The following VAV3 variants were observed in gnomAD, a reference collection of about 807,000 sequenced individuals.
VAV3 encodes guanine nucleotide exchange factor VAV3.
Under a neutral mutation model 131.2 loss-of-function variants are expected in VAV3, and 94 were observed. The ratio of observed to expected loss-of-function variants is 0.72; its 90% CI spans 0.61 to 0.85. The LOEUF is 0.85. Among genes scored for constraint, VAV3 ranks in the 40% least tolerant of loss-of-function variants. The pLI, the probability that VAV3 is intolerant of heterozygous loss-of-function variation, is 0.00. For missense variants in VAV3, 939 were observed against 1,002.7 expected (o/e 0.94, Z 0.86); for synonymous variants, 349 against 342.0 (o/e 1.02, Z -0.22).
intron 1 of VAV3, among the ~76,000 whole-genome samples, chr1:107,890,057 C>T (rs1452774608): frequency 6.6e-6 from 1 of 152,028 alleles, no homozygotes; most frequent in Non-Finnish European, 1.5e-5. Flanking sequence ...TTTAGCTCTG[C>T]TCACTATTTC....
At chr1:107,825,875 T>C (rs1362614967) in intron 2 of VAV3, among the ~76,000 whole-genome samples, 1 of 152,164 alleles carries the variant, frequency 6.6e-6, no homozygotes, top group African/African-American at 2.4e-5. Context: ...ACTTACCAAA[T>C]ACTGCCTTAC....
At chr1:107,901,603 C>T (rs1671858406) in intron 1 of VAV3, among the ~76,000 whole-genome samples, 1 of 152,102 alleles carries the variant, frequency 6.6e-6, no homozygotes, top group Admixed American at 6.6e-5. Flanking sequence ...GCACACACAT[C>T]CCATTAGTAA....
intron 15 of VAV3, among the ~76,000 whole-genome samples, chr1:107,707,898 C>G (rs1351269902): frequency 6.6e-6 from 1 of 152,070 alleles, no homozygotes; most frequent in Admixed American, 6.5e-5. Context: ...TTTGGAGAAA[C>G]AAAAAATTAA....
intron 19 of VAV3, among the ~76,000 whole-genome samples, chr1:107,681,808 C>T (rs1012972590): frequency 4.6e-5 from 7 of 152,032 alleles, no homozygotes; most frequent in South Asian, 4.1e-4. Flanking sequence ...CACCCGCCAC[C>T]ACCCCCAGCT....
intron 2 of VAV3, among the ~76,000 whole-genome samples, chr1:107,822,870 A>T (rs1667862149): frequency 6.6e-6 from 1 of 152,138 alleles, no homozygotes; most frequent in Non-Finnish European, 1.5e-5. Flanking sequence ...TAATATGGAC[A>T]TGTGAAGAGT....
At position 107,907,675 on chromosome 1, in the gene VAV3, A is replaced by T. The variant is rs190456196; in HGVS notation, c.205-32658T>A. On this transcript the variant is annotated intron_variant, in intron 1 of 26. Transcript: ENST00000370056. ...TGTGCGTGCGTTCTCTCTCTCTCTCACACACACACGCGCTCTCTCTCTCTC... is the reference window on the plus strand; with the variant it reads ...TGTGCGTGCGTTCTCTCTCTCTCTCTCACACACACGCGCTCTCTCTCTCTC... Among the ~76,000 whole-genome samples, 158 of 151,016 alleles carry T rather than the reference A, an allele frequency of 1.0e-3. 1 individual carries two copies. The highest frequency in any genetic ancestry group is 6.7e-3 in the East Asian group (34 of 5,102).
At chr1:107,841,372 C>T (rs1202011873) in intron 2 of VAV3, among the ~76,000 whole-genome samples, 1 of 151,930 alleles carries the variant, frequency 6.6e-6, no homozygotes, top group African/African-American at 2.4e-5. Context: ...AAAACTAAAG[C>T]AATATAAAGG....
At chr1:107,622,367 C>T (rs1445588640) in intron 20 of VAV3, among the ~76,000 whole-genome samples, 1 of 152,128 alleles carries the variant, frequency 6.6e-6, no homozygotes, top group Non-Finnish European at 1.5e-5. Flanking sequence ...GATGCTAGAG[C>T]TAAAACCTCA....
intron 2 of VAV3, among the ~76,000 whole-genome samples, chr1:107,795,927 A>G (rs138951751): frequency 1.3e-5 from 2 of 152,294 alleles, no homozygotes; most frequent in East Asian, 3.9e-4. Context: ...TGATTCCCAT[A>G]CTGATCTCAC....
At chr1:107,836,178 G>A (rs1255515855) in intron 2 of VAV3, among the ~76,000 whole-genome samples, 1 of 152,100 alleles carries the variant, frequency 6.6e-6, no homozygotes, top group Non-Finnish European at 1.5e-5. Context: ...TGACAAATTG[G>A]ACCTAATAGA....
chr1:107,596,354 G>A lies in VAV3; in HGVS notation c.2221-13C>T. 1 of 1,610,608 alleles carries A rather than the reference G, an allele frequency of 6.2e-7. No homozygotes were observed. Among genetic ancestry groups the A allele is most frequent in the Non-Finnish European group, 8.5e-7 (1 of 1,178,360 alleles). ...ACTCCACAAGTTCCTTTGGAAAAAAGAATCCAACATATTTTTGATAAGGAT... is the reference window on the plus strand; with the variant it reads ...ACTCCACAAGTTCCTTTGGAAAAAAAAATCCAACATATTTTTGATAAGGAT... On this transcript the variant is annotated splice_polypyrimidine_tract_variant and intron_variant, in intron 24 of 26. Coordinates refer to ENST00000370056, the MANE Select transcript of VAV3 (RefSeq NM_006113.5).
chr1:107,684,190 T>G (rs939618994), intron 18 of VAV3, among the ~76,000 whole-genome samples: 22 of 152,278 alleles, frequency 1.4e-4, no homozygotes, highest in African/African-American at 4.6e-4. Context: ...AAACAAGAGA[T>G]TTTAAATCTA....
chr1:107,812,170 TC>T, intron 2 of VAV3, among the ~76,000 whole-genome samples: 1 of 152,308 alleles, frequency 6.6e-6, no homozygotes, highest in East Asian at 1.9e-4. Context: ...ACAGGAAACT[TC>T]CTGAAACTTA....
chr1:107,648,140 T>G (rs1484937865), intron 19 of VAV3, among the ~76,000 whole-genome samples: 1 of 152,052 alleles, frequency 6.6e-6, no homozygotes, highest in Non-Finnish European at 1.5e-5. Flanking sequence ...TTTAAAATTT[T>G]CACCAGAGAA....
intron 2 of VAV3, among the ~76,000 whole-genome samples, chr1:107,784,838 G>C (rs1665895671): frequency 6.6e-6 from 1 of 152,204 alleles, no homozygotes; most frequent in Non-Finnish European, 1.5e-5. Context: ...TATGTAAAGG[G>C]CTCAACCTGG....
intron 17 of VAV3, among the ~76,000 whole-genome samples, chr1:107,693,181 C>CTGTA (rs1659537260): frequency 6.6e-6 from 1 of 152,058 alleles, no homozygotes; most frequent in Admixed American, 6.6e-5. Flanking sequence ...TTCAGAGCTC[C>CTGTA]TGTATGTGTT....
rs114851897 is a variant in VAV3 at position 107,828,471 on chromosome 1, A to G, written c.321+46430T>C. Among the ~76,000 whole-genome samples, 496 of 152,272 alleles carry G rather than the reference A, an allele frequency of 3.3e-3. 1 individual carries two copies. The highest frequency in any genetic ancestry group is 0.011 in the African/African-American group (460 of 41,558). ...TCTGTAAGTCAGAAAATCAACATGC[A>G]TCTCACTTAAGCCAGTGAGACGCAT... is the stretch of plus-strand genomic sequence containing the variant. On this transcript the variant is annotated intron_variant, in intron 2 of 26. Transcript: ENST00000370056.
intron 19 of VAV3, among the ~76,000 whole-genome samples, chr1:107,656,171 T>C (rs1449726090): frequency 6.6e-6 from 1 of 152,208 alleles, no homozygotes; most frequent in Non-Finnish European, 1.5e-5. Context: ...TGTAACACTA[T>C]TCATAATAAC....
chr1:107,760,981 G>T (rs1664379568), intron 9 of VAV3, 102 bp from the exon 10 acceptor site: 1 of 655,710 alleles, frequency 1.5e-6, no homozygotes, highest in Admixed American at 3.0e-5. Context: ...GAGTGCGTTT[G>T]TTTCCTTAAC....
Sources: allele counts gnomAD v4.1 joint callset (sites outside exome capture counted in the v4.1 genomes callset), GRCh38; gene constraint gnomAD v4.1.1; transcripts MANE v1.5; gene names NCBI Gene and HGNC (gene_info 2026-07-23, HGNC 2026-07-21).